TTC32: variants seen among roughly 807,000 people sequenced by gnomAD.
TTC32 encodes the protein tetratricopeptide repeat protein 32.
TTC32 carries 16 observed loss-of-function variants against 15.3 expected under a neutral mutation model. The observed-to-expected ratio is 1.05, with a 90% CI of 0.71 to 1.59. The LOEUF is 1.59. TTC32 is among the 40% of genes most tolerant of loss of function. The pLI, the probability that TTC32 is intolerant of heterozygous loss-of-function variation, is 0.00. For synonymous variants in TTC32, 89 were observed against 67.8 expected, an observed-to-expected ratio of 1.31 and a Z score of -1.53; for missense variants, 188 against 181.9, an observed-to-expected ratio of 1.03 and a Z score of -0.19.
At chr2:19,900,815 A>G (rs1669588566) in intron 1 of TTC32, among the ~76,000 whole-genome samples, 1 of 152,228 alleles carries the variant, frequency 6.6e-6, no homozygotes, top group African/African-American at 2.4e-5. Context: ...TCAAACCTCA[A>G]GGTTTAACCA....
In TTC32 at chr2:19,901,856, G is replaced by C; in HGVS notation, c.-2C>G. 6.2e-7 allele frequency: 1 copy of C among 1,614,072 alleles called. No individual in the cohort carries two copies. The highest frequency in any genetic ancestry group is 8.5e-7 in the Non-Finnish European group (1 of 1,179,978). Reference sequence around the variant, plus strand: ...GCTTTCTTGCCGCTGTCCTTCCATAGCAGCCAAGGCCTAGTTTTCGGTGTA... The same window carrying C: ...GCTTTCTTGCCGCTGTCCTTCCATACCAGCCAAGGCCTAGTTTTCGGTGTA... On this transcript the variant is annotated 5_prime_UTR_variant, in exon 1 of 3. Transcript: ENST00000333610.
chr2:19,897,050 G>C lies in TTC32; in HGVS notation c.393C>G (p.Ser131Arg), dbSNP rs1669521576. 1 of 1,607,258 alleles carries C rather than the reference G, an allele frequency of 6.2e-7. No homozygotes were observed. ...LNPGFQDATL[S>R]LKQTILDKEE... Reference sequence around the variant, plus strand: ...CTTTGTCTAGAATAGTCTGTTTTAAGCTCAAAGTAGCATCTTGAAATCCAG... The same window carrying C: ...CTTTGTCTAGAATAGTCTGTTTTAACCTCAAAGTAGCATCTTGAAATCCAG... Residue 131 changes from serine to arginine, a missense_variant, in exon 3 of 3, where the codon AGC becomes AGG. By Grantham distance (110) the Ser-to-Arg change is moderately radical. Coordinates refer to ENST00000333610, the MANE Select transcript of TTC32 (RefSeq NM_001008237.3).
chr2:19,901,641 G>C (rs1278809356), intron 1 of TTC32, 65 bp downstream of exon 1: 3 of 1,562,978 alleles, frequency 1.9e-6, no homozygotes, highest in Non-Finnish European at 2.6e-6. Context: ...AAAGATAGGA[G>C]CCCAAACAAC....
At chr2:19,901,185 A>C (rs778167724) in intron 1 of TTC32, 1 of 424,602 alleles carries the variant, frequency 2.4e-6, no homozygotes, top group Non-Finnish European at 4.8e-6. Context: ...GACGTTCGTT[A>C]TGCTCTCTTC....
chr2:19,898,806 C>A (rs1442238391), intron 1 of TTC32, among the ~76,000 whole-genome samples: 1 of 152,230 alleles, frequency 6.6e-6, no homozygotes, highest in East Asian at 1.9e-4. Flanking sequence ...ACCAGCTCAA[C>A]AGGTCACAGC....
In TTC32 at chr2:19,901,669, C is replaced by G. The variant is rs1337824002; in HGVS notation, c.149+37G>C. The G allele has an allele frequency of 1.9e-6, 3 of 1,596,744 alleles. No individual in the cohort carries two copies. The African/African-American group carries it at 4.0e-5, about 21-fold the overall frequency. On this transcript the variant is annotated intron_variant, in intron 1 of 2. Coordinates refer to ENST00000333610, the MANE Select transcript of TTC32 (RefSeq NM_001008237.3). ...CAAACAACCCCAACGTCGCCTCCAC[C>G]CGGGGTCGCCGCGGCCCCAGGTCTC...
chr2:19,901,049 G>A (rs1230272620), intron 1 of TTC32: 3 of 470,530 alleles, frequency 6.4e-6, no homozygotes, highest in Non-Finnish European at 1.3e-5. Context: ...CGATCAGAAT[G>A]GTTCCAACAC....
At chr2:19,901,077 G>A (rs1558312497) in intron 1 of TTC32, 1 of 471,288 alleles carries the variant, frequency 2.1e-6, no homozygotes, top group Non-Finnish European at 4.4e-6. Context: ...TTGATATTAA[G>A]TAACTATGTG....
chr2:19,900,952 TGGA>T (rs1572292460), intron 1 of TTC32: 2 of 361,838 alleles, frequency 5.5e-6, no homozygotes, highest in Non-Finnish European at 1.2e-5. Context: ...GAGGGGAAGG[TGGA>T]GAAGAGACTT....
intron 1 of TTC32, chr2:19,901,468 C>A (rs60084614): frequency 0.11 from 57,855 of 537,402 alleles, 3,721 homozygotes; most frequent in South Asian, 0.21. Flanking sequence ...CCGGAAATCT[C>A]TCCGCACCGT....
At chr2:19,898,174 A>G in intron 1 of TTC32, 139 bp from the exon 2 acceptor site, 1 of 766,034 alleles carries the variant, frequency 1.3e-6, no homozygotes, top group Non-Finnish European at 1.9e-6. Context: ...CTGAAGAAAA[A>G]ACGTACAAAT....
In TTC32 at chr2:19,901,765, C is replaced by T; in HGVS notation, c.90G>A (p.Leu30=). Residue 30 remains leucine (L), a synonymous_variant, in exon 1 of 3, where the codon CTG becomes CTA. Transcript: ENST00000333610. ...CGCACCGGCGAATGTAAGCGGAGTA[C>T]AGTGCCTCGGCCTCCGCGTACTCTC... ...NNGEYAEAEA[L]YSAYIRRCAC... is the part of the protein sequence containing the mutation. The T allele has an allele frequency of 6.2e-7, 1 of 1,614,178 alleles. No individual in the cohort carries two copies.
At chr2:19,899,754 G>A (rs1394815347) in intron 1 of TTC32, among the ~76,000 whole-genome samples, 4 of 150,832 alleles carry the variant, frequency 2.7e-5, no homozygotes, top group Non-Finnish European at 1.5e-5. Context: ...CACACACTTT[G>A]GAAATTAGGT....
At chr2:19,901,059 C>A (rs755022151) in intron 1 of TTC32, 3 of 471,130 alleles carry the variant, frequency 6.4e-6, no homozygotes, top group Non-Finnish European at 1.3e-5. Flanking sequence ...GGTTCCAACA[C>A]TGACGACTTG....
chr2:19,897,041 CTGTTT>C lies in TTC32; in HGVS notation c.397_401del (p.Lys133AspfsTer23). ...GTTTTTCTTCTTTGTCTAGAATAGTCTGTTTTAAGCTCAAAGTAGCATCTTGAAAT... is the reference window on the plus strand; with the variant it reads ...GTTTTTCTTCTTTGTCTAGAATAGTCTAAGCTCAAAGTAGCATCTTGAAAT... On this transcript the variant is annotated frameshift_variant, in exon 3 of 3. Coordinates refer to ENST00000333610, the MANE Select transcript of TTC32 (RefSeq NM_001008237.3). LOFTEE classifies it high-confidence loss of function. 6.2e-7 allele frequency: 1 copy of C among 1,605,554 alleles called. No homozygotes were observed. The highest frequency in any genetic ancestry group is 1.1e-5 in the South Asian group (1 of 89,524).
chr2:19,898,234 G>T, intron 1 of TTC32, 199 bp from the exon 2 acceptor site: 1 of 456,010 alleles, frequency 2.2e-6, no homozygotes, highest in Non-Finnish European at 3.9e-6. Flanking sequence ...CTTTTGTAGG[G>T]TTATACCACT....
rs1669535684 is a variant in TTC32, at chr2:19,897,896, T to C, written c.289A>G (p.Asn97Asp). The C allele has an allele frequency of 6.2e-7, 1 of 1,611,046 alleles. No homozygotes were observed. Among genetic ancestry groups the C allele is most frequent in the Admixed American group, 1.7e-5 (1 of 59,828 alleles). The change falls in exon 2 of 3, where the codon AAC becomes GAC. Residue 97 changes from asparagine to aspartate, a missense_variant. Asn to Asp is a conservative substitution (Grantham distance 23). Transcript: ENST00000333610. ...VQPNFEVPYY[N>D]RGLILYRLGY... ...AGCCTATACAGTATCAACCCTCTGT[T>C]GTAATATGGAACTTCAAAATTGGGT...
Position 19,896,967 on chromosome 2 carries a change from C to T in TTC32, c.*20G>A, listed in dbSNP as rs1572290703. ...CAGATGTAAGGATCATGAATCAATACTTCCATTAAGTTAAAAATATCAATA... is the reference window on the plus strand; with the variant it reads ...CAGATGTAAGGATCATGAATCAATATTTCCATTAAGTTAAAAATATCAATA... On this transcript the variant is annotated 3_prime_UTR_variant, in exon 3 of 3. Coordinates refer to ENST00000333610, the MANE Select transcript of TTC32 (RefSeq NM_001008237.3). 2 of 1,548,572 alleles carry T rather than the reference C, an allele frequency of 1.3e-6. No homozygotes were observed. Among genetic ancestry groups the T allele is most frequent in the African/African-American group, 1.4e-5 (1 of 72,442 alleles).
chr2:19,898,344 C>T (rs1238261351), intron 1 of TTC32: 2 of 215,354 alleles, frequency 9.3e-6, no homozygotes, highest in African/African-American at 4.5e-5. Context: ...TTTCTAAGCA[C>T]ACACCAGCAG....
Sources: allele counts gnomAD v4.1 joint callset (sites outside exome capture counted in the v4.1 genomes callset), GRCh38; gene constraint gnomAD v4.1.1; transcripts MANE v1.5; gene names NCBI Gene and HGNC (gene_info 2026-07-23, HGNC 2026-07-21).